Variants in COP1 observed in about 807,000 individuals in gnomAD.
COP1 encodes COP1 E3 ubiquitin ligase.
In COP1, 24 loss-of-function variants were observed where a neutral mutation model predicts 101.3. That is an observed-to-expected ratio of 0.24 (90% CI 0.17 to 0.33). The LOEUF (loss-of-function observed/expected upper bound fraction) is 0.33. Among genes scored for constraint, COP1 ranks in the 10% least tolerant of loss-of-function variants. The probability of loss-of-function intolerance (pLI) is 1.00; values close to 1 mark genes in which losing one functional copy is unlikely to be tolerated. For missense variants in COP1, 663 were observed against 906.2 expected (o/e 0.73, Z 3.45); for synonymous variants, 347 against 341.9 (o/e 1.01, Z -0.17).
intron 18 of COP1, chr1:175,968,684 A>C: frequency 5.9e-6 from 2 of 341,078 alleles, no homozygotes; most frequent in South Asian, 4.5e-5. Context: ...CTTAGCATAC[A>C]AAGTCAAAGT....
intron 3 of COP1, among the ~76,000 whole-genome samples, chr1:176,170,587 T>G (rs75997117): frequency 0.07 from 10,581 of 152,236 alleles, 459 homozygotes; most frequent in Non-Finnish European, 0.087. Context: ...ATTCAGTAAA[T>G]CACGCTGAAA....
chr1:176,001,567 C>T (rs1375195842), intron 15 of COP1, among the ~76,000 whole-genome samples: 1 of 152,058 alleles, frequency 6.6e-6, no homozygotes, highest in African/African-American at 2.4e-5. Flanking sequence ...ACAACTGCAG[C>T]CGCAAGTGCC....
At chr1:176,018,180 C>T (rs544192809) in intron 15 of COP1, among the ~76,000 whole-genome samples, 2 of 152,320 alleles carry the variant, frequency 1.3e-5, no homozygotes, top group East Asian at 3.9e-4. Flanking sequence ...AATAATCTCT[C>T]CAACCCTTAC....
intron 9 of COP1, among the ~76,000 whole-genome samples, chr1:176,102,951 C>T (rs1204063352): frequency 1.3e-5 from 2 of 152,130 alleles, no homozygotes; most frequent in African/African-American, 2.4e-5. Flanking sequence ...ACTGGACTTC[C>T]CCCACCCACC....
At chr1:175,968,487 A>T (rs1652551216) in intron 18 of COP1, 1 of 519,010 alleles carries the variant, frequency 1.9e-6, no homozygotes, top group Non-Finnish European at 3.8e-6. Context: ...TGCAATCTGT[A>T]GACAAAAGGC....
In COP1 at chr1:176,058,716, CA is replaced by C. The variant is rs756906620; in HGVS notation, c.1278-12393del. Among the ~76,000 whole-genome samples, 5 of 148,692 alleles carry C rather than the reference CA, an allele frequency of 3.4e-5. No homozygotes were observed. The Admixed American group carries it at 3.4e-4, about 10-fold the overall frequency. ...CTCCACTATTGTCCTATGACCCTGC[CA>C]AATCCCCCTCTGCGAGAAACACCCA... is the stretch of plus-strand genomic sequence containing the variant. On this transcript the variant is annotated intron_variant, in intron 11 of 19. Transcript: ENST00000367669.
Position 176,124,427 on chromosome 1 carries a change from AC to A in COP1, c.969-7747del, listed in dbSNP as rs201456649. Among the ~76,000 whole-genome samples, 383 of 122,278 alleles carry A rather than the reference AC, an allele frequency of 3.1e-3. 3 individuals are homozygous for A. Among genetic ancestry groups the A allele is most frequent in the African/African-American group, 0.012 (365 of 30,824 alleles). The allele number at this position is 122,278 out of a possible 152,430, so 80.2% of individuals were successfully genotyped here. ...CTCCCCTGCCCCCCAGCCCCGTACT[AC>A]CCCTTTCCCAGCTTCTGGTAACCAT... On this transcript the variant is annotated intron_variant, in intron 8 of 19. Transcript: ENST00000367669.
chr1:176,005,364 T>C (rs1662875538), intron 15 of COP1, among the ~76,000 whole-genome samples: 1 of 152,212 alleles, frequency 6.6e-6, no homozygotes, highest in African/African-American at 2.4e-5. Flanking sequence ...AGTTCTGCTC[T>C]GATTTTAGTT....
At chr1:176,139,977 A>T (rs1252722815) in intron 6 of COP1, among the ~76,000 whole-genome samples, 1 of 152,212 alleles carries the variant, frequency 6.6e-6, no homozygotes, top group Non-Finnish European at 1.5e-5. Context: ...AAAAGAAAGT[A>T]AATATCTGTA....
chr1:176,119,677 T>TATTAGAA (rs1358799099), intron 8 of COP1, among the ~76,000 whole-genome samples: 10 of 152,004 alleles, frequency 6.6e-5, no homozygotes, highest in African/African-American at 2.4e-4. Flanking sequence ...TAGAAAAGAA[T>TATTAGAA]ATTAGAAAGC....
chr1:176,071,281 C>T (rs1414789215), intron 11 of COP1, among the ~76,000 whole-genome samples: 2 of 152,106 alleles, frequency 1.3e-5, no homozygotes, highest in Non-Finnish European at 2.9e-5. Context: ...TCCCACTTCA[C>T]CTTCCACCAT....
chr1:175,992,563 A>G (rs1230172180), intron 15 of COP1, among the ~76,000 whole-genome samples: 3 of 152,222 alleles, frequency 2.0e-5, no homozygotes, highest in Non-Finnish European at 4.4e-5. Flanking sequence ...CTTTACCGAC[A>G]GGCTTAAAAA....
chr1:176,127,945 G>A (rs1399018069), intron 8 of COP1, among the ~76,000 whole-genome samples: 1 of 152,022 alleles, frequency 6.6e-6, no homozygotes. Flanking sequence ...GAAATGTGAG[G>A]TGATGTGCAT....
chr1:176,022,980 T>C lies in COP1; in HGVS notation c.1729+4592A>G, dbSNP rs1046680466. ...TTGAATGTTTCTGTTACAAGCACCA[T>C]TGTAGAGATGTGGGGGTTTTCTGTT... On this transcript the variant is annotated intron_variant, in intron 15 of 19. Transcript: ENST00000367669. 2.6e-4 allele frequency among the ~76,000 whole-genome samples: 40 copies of C among 152,236 alleles called. 1 individual carries two copies. Among genetic ancestry groups the C allele is most frequent in the Admixed American group, 6.5e-5 (1 of 15,282 alleles).
chr1:176,006,509 G>C (rs1663262840), intron 15 of COP1, among the ~76,000 whole-genome samples: 1 of 152,166 alleles, frequency 6.6e-6, no homozygotes, highest in Non-Finnish European at 1.5e-5. Context: ...TTCATGTTTA[G>C]TGCTTCCTTC....
rs180718790 is a variant in COP1 at position 176,171,516 on chromosome 1, C to T, written c.565+4394G>A. Among the ~76,000 whole-genome samples the T allele has an allele frequency of 2.0e-5, 3 of 152,286 alleles. No individual in the cohort carries two copies. In the East Asian group the frequency reaches 5.8e-4, roughly 29 times the overall value. On this transcript the variant is annotated intron_variant, in intron 3 of 19. Transcript: ENST00000367669. The stretch of plus-strand genomic sequence containing the variant: ...TGCCTTCTTATCATTCGTGTCTTCA[C>T]TGGAGTAGCACTTTTAATTTCGTTC...
Position 176,035,945 on chromosome 1 carries a change from A to C in COP1, c.1612+7241T>G, listed in dbSNP as rs1571834177. Among the ~76,000 whole-genome samples the C allele has an allele frequency of 2.0e-5, 3 of 152,266 alleles. No homozygotes were observed. The South Asian group carries it at 6.2e-4, about 32-fold the overall frequency. On this transcript the variant is annotated intron_variant, in intron 14 of 19. Transcript: ENST00000367669. ...CCTTTAACCATAAGAGGATTAAGTT[A>C]TAAATCAGCAACAGAATGATTTCTG... is the stretch of plus-strand genomic sequence containing the variant.
intron 3 of COP1, among the ~76,000 whole-genome samples, chr1:176,173,462 C>A (rs1403191458): frequency 6.6e-6 from 1 of 151,324 alleles, no homozygotes; most frequent in East Asian, 1.9e-4. Context: ...ATAGTGAGAC[C>A]TTGTCTCTAC....
chr1:176,022,737 A>T (rs1014539647), intron 15 of COP1, among the ~76,000 whole-genome samples: 2 of 137,576 alleles, frequency 1.5e-5, no homozygotes, highest in Non-Finnish European at 3.3e-5. Flanking sequence ...CCCCTGCTTC[A>T]GACCGAGGAA....
Sources: gnomAD v4.1 joint callset for allele counts (sites outside exome capture counted in the v4.1 genomes callset) on GRCh38, gnomAD v4.1.1 for gene constraint, MANE v1.5 for transcripts, NCBI Gene and HGNC (gene_info 2026-07-23, HGNC 2026-07-21) for gene names.